The following PLCE1 variants were observed in gnomAD, a reference collection of about 807,000 sequenced individuals.
PLCE1 encodes the protein 1-phosphatidylinositol 4,5-bisphosphate phosphodiesterase epsilon-1.
Under a neutral mutation model 242.8 loss-of-function variants are expected in PLCE1, and 119 were observed. That is an observed-to-expected ratio of 0.49 (90% CI 0.42 to 0.57). The LOEUF (loss-of-function observed/expected upper bound fraction) is 0.57, where lower values mean the gene tolerates loss of function less well. Among genes scored for constraint, PLCE1 ranks in the 20% least tolerant of loss-of-function variants. The pLI, the probability that PLCE1 is intolerant of heterozygous loss-of-function variation, is 0.00. For missense variants in PLCE1, 2,441 were observed against 2,788.8 expected, an observed-to-expected ratio of 0.88 and a Z score of 2.81; for synonymous variants, 945 against 1,017.4, an observed-to-expected ratio of 0.93 and a Z score of 1.35.
chr10:94,187,852 A>G (rs1165393141), intron 4 of PLCE1, among the ~76,000 whole-genome samples: 1 of 152,204 alleles, frequency 6.6e-6, no homozygotes. Flanking sequence ...CTAAAGTTGT[A>G]TGTAAATCAT....
At chr10:94,249,579 G>A (rs558547492) in intron 8 of PLCE1, among the ~76,000 whole-genome samples, 1 of 152,206 alleles carries the variant, frequency 6.6e-6, no homozygotes, top group African/African-American at 2.4e-5. Context: ...TCTGACATTA[G>A]AATTTCCTTA....
At chr10:94,184,257 C>CGTTT (rs1053573512) in intron 4 of PLCE1, among the ~76,000 whole-genome samples, 2 of 152,198 alleles carry the variant, frequency 1.3e-5, no homozygotes, top group Non-Finnish European at 2.9e-5. Context: ...CCCCCCTTTG[C>CGTTT]GTTTGAAATA....
chr10:94,051,416 T>C (rs1249897588), intron 2 of PLCE1, among the ~76,000 whole-genome samples: 1 of 152,056 alleles, frequency 6.6e-6, no homozygotes. Flanking sequence ...TCTGGTCTAG[T>C]TAGATGATTA....
chr10:93,995,026 G>A (rs2060794526), intron 1 of PLCE1, among the ~76,000 whole-genome samples: 1 of 152,186 alleles, frequency 6.6e-6, no homozygotes, highest in Non-Finnish European at 1.5e-5. Context: ...ATCTCTGCAG[G>A]ATTGGTATGT....
intron 1 of PLCE1, among the ~76,000 whole-genome samples, chr10:94,012,188 A>G (rs902215727): frequency 1.3e-5 from 2 of 151,796 alleles, no homozygotes; most frequent in Non-Finnish European, 2.9e-5. Flanking sequence ...TCTTCCCTTG[A>G]TACCTCTCTC....
At chr10:94,079,826 C>T (rs941345684) in intron 2 of PLCE1, among the ~76,000 whole-genome samples, 2 of 152,136 alleles carry the variant, frequency 1.3e-5, no homozygotes, top group African/African-American at 4.8e-5. Context: ...CCTTTGCTGC[C>T]TCCTAGCTCT....
intron 29 of PLCE1, among the ~76,000 whole-genome samples, chr10:94,317,158 G>C (rs2053604979): frequency 6.6e-6 from 1 of 152,166 alleles, no homozygotes; most frequent in Non-Finnish European, 1.5e-5. Context: ...GGGAGGCTGA[G>C]TCAGGAGAAT....
chr10:94,157,881 C>T (rs1235915666), intron 3 of PLCE1, among the ~76,000 whole-genome samples: 2 of 152,088 alleles, frequency 1.3e-5, no homozygotes, highest in Non-Finnish European at 2.9e-5. Flanking sequence ...GCACTGGTTC[C>T]ATTATTTATC....
At chr10:94,310,341 T>C (rs1036257569) in intron 27 of PLCE1, among the ~76,000 whole-genome samples, 1 of 152,160 alleles carries the variant, frequency 6.6e-6, no homozygotes, top group African/African-American at 2.4e-5. Context: ...GTGTTCCTCC[T>C]TTTTCCCTTC....
rs543915646 is a variant in PLCE1 at position 93,998,035 on chromosome 10, C to G, written c.-365+3777C>G. 3.6e-4 allele frequency among the ~76,000 whole-genome samples: 55 copies of G among 152,304 alleles called. 1 individual carries two copies. Among genetic ancestry groups the G allele is most frequent in the African/African-American group, 1.3e-3 (52 of 41,574 alleles). On this transcript the variant is annotated intron_variant, in intron 1 of 32. Transcript: ENST00000371380. The stretch of plus-strand genomic sequence containing the variant: ...TTGGTGGACTACCAGGATTGTAAGC[C>G]CTCCTGGCGTGTTTTTGGAGGGTCT...
intron 2 of PLCE1, among the ~76,000 whole-genome samples, 156 bp from the exon 3 acceptor site, chr10:94,132,018 T>A (rs1487315811): frequency 6.6e-6 from 1 of 152,216 alleles, no homozygotes; most frequent in African/African-American, 2.4e-5. Context: ...GTCTGTAGAA[T>A]GTTCAGGTTA....
intron 9 of PLCE1, 47 bp downstream of exon 9, chr10:94,252,545 C>G: frequency 1.3e-6 from 2 of 1,483,126 alleles, no homozygotes; most frequent in Non-Finnish European, 1.9e-6. Flanking sequence ...CTTCCAGGAC[C>G]GCTGTATGGT....
intron 16 of PLCE1, among the ~76,000 whole-genome samples, chr10:94,266,536 A>G (rs2051523833): frequency 6.6e-6 from 1 of 152,222 alleles, no homozygotes; most frequent in South Asian, 2.1e-4. Context: ...TAGAAAAAGT[A>G]CATCCTTTTG....
At chr10:94,119,686 C>T (rs1818360595) in intron 2 of PLCE1, among the ~76,000 whole-genome samples, 1 of 152,142 alleles carries the variant, frequency 6.6e-6, no homozygotes. Flanking sequence ...GTATCTGAAA[C>T]ACTGTATGCC....
chr10:94,109,949 G>A (rs956785778), intron 2 of PLCE1, among the ~76,000 whole-genome samples: 6 of 150,888 alleles, frequency 4.0e-5, no homozygotes, highest in Admixed American at 1.3e-4. Flanking sequence ...CAGAGATGGG[G>A]TTCAGAGGAA....
intron 17 of PLCE1, among the ~76,000 whole-genome samples, chr10:94,269,372 G>A (rs566605580): frequency 1.3e-4 from 20 of 151,986 alleles, no homozygotes; most frequent in Admixed American, 3.9e-4. Flanking sequence ...CCAAAGTACC[G>A]GGATTACAGA....
chr10:94,310,699 A>T (rs183689028), intron 27 of PLCE1, among the ~76,000 whole-genome samples: 1 of 152,180 alleles, frequency 6.6e-6, no homozygotes, highest in South Asian at 2.1e-4. Flanking sequence ...ACAGCTGAAG[A>T]TTCCACAGAT....
At chr10:94,229,049 G>A (rs1049049729) in intron 5 of PLCE1, among the ~76,000 whole-genome samples, 1 of 152,026 alleles carries the variant, frequency 6.6e-6, no homozygotes, top group Non-Finnish European at 1.5e-5. Context: ...GGGCATGGTG[G>A]CAGGCGCCTG....
rs763914409 is a variant in PLCE1 at position 94,281,381 on chromosome 10, TAAAG to T, written c.4795+1474_4795+1477del. ...TTATTATTATACTGTAGATTTCACA[TAAAG>T]AAATAACAAAAAATTATTATAGATG... On this transcript the variant is annotated intron_variant, in intron 20 of 32. Coordinates refer to ENST00000371380, the MANE Select transcript of PLCE1 (RefSeq NM_016341.4). Among the ~76,000 whole-genome samples, 352 of 152,260 alleles carry T rather than the reference TAAAG, an allele frequency of 2.3e-3. 2 individuals carry two copies. The highest frequency in any genetic ancestry group is 6.8e-3 in the Middle Eastern group (2 of 294).
Sources: gnomAD v4.1 joint callset for allele counts (sites outside exome capture counted in the v4.1 genomes callset) on GRCh38, gnomAD v4.1.1 for gene constraint, MANE v1.5 for transcripts, NCBI Gene and HGNC (gene_info 2026-07-23, HGNC 2026-07-21) for gene names.